Variants in CLPB observed in about 807,000 individuals in gnomAD.
The protein encoded by CLPB is mitochondrial disaggregase.
In CLPB, 40 loss-of-function variants were observed where a neutral mutation model predicts 78.4. The observed-to-expected ratio is 0.51, with a 90% CI of 0.40 to 0.66. The LOEUF is 0.66. Ranked by LOEUF, CLPB falls within the 30% of genes least tolerant of loss-of-function variation. CLPB has a pLI of 0.00. For missense variants in CLPB, 780 were observed against 886.9 expected, an observed-to-expected ratio of 0.88 and a Z score of 1.53; for synonymous variants, 333 against 348.0, an observed-to-expected ratio of 0.96 and a Z score of 0.48.
At position 72,294,337 on chromosome 11, in the gene CLPB, G is replaced by A. The variant is rs370339673; in HGVS notation, c.1668C>T (p.Phe556=). Residue 556 remains phenylalanine, a synonymous_variant, in exon 14 of 16, where the codon TTC becomes TTT. Transcript: ENST00000538039. ...LIQLVNKELN[F]WAKRAKQRHN... ...AGTTCCCTCTTACTCTCTTGGCCCAGAAGTTTAGTTCCTTGTTGACGAGTT... is the reference window on the plus strand; with the variant it reads ...AGTTCCCTCTTACTCTCTTGGCCCAAAAGTTTAGTTCCTTGTTGACGAGTT... 2 of 1,614,118 alleles carry A rather than the reference G, an allele frequency of 1.2e-6. No individual in the cohort carries two copies. The highest frequency in any genetic ancestry group is 1.7e-6 in the Non-Finnish European group (2 of 1,180,042).
chr11:72,428,078 G>A (rs1468338737), intron 2 of CLPB, among the ~76,000 whole-genome samples: 1 of 152,058 alleles, frequency 6.6e-6, no homozygotes, highest in South Asian at 2.1e-4. Flanking sequence ...AACTATAACT[G>A]GTGGGTTACA....
chr11:72,431,675 C>T (rs1296073639), intron 1 of CLPB, among the ~76,000 whole-genome samples: 2 of 152,118 alleles, frequency 1.3e-5, no homozygotes, highest in African/African-American at 4.8e-5. Flanking sequence ...TCAAGCCTTC[C>T]TTAGAGATGG....
chr11:72,395,078 A>T (rs1855366538), intron 3 of CLPB, among the ~76,000 whole-genome samples: 1 of 151,848 alleles, frequency 6.6e-6, no homozygotes, highest in African/African-American at 2.4e-5. Context: ...AACTCCTCTG[A>T]AAGGGCCTCT....
intron 11 of CLPB, among the ~76,000 whole-genome samples, chr11:72,299,183 C>T (rs1349535466): frequency 2.0e-5 from 3 of 152,222 alleles, no homozygotes; most frequent in Admixed American, 6.5e-5. Context: ...GGCTCCTCCT[C>T]CTCTCCTCAG....
At chr11:72,316,143 G>A (rs1294476133) in intron 7 of CLPB, among the ~76,000 whole-genome samples, 4 of 152,146 alleles carry the variant, frequency 2.6e-5, no homozygotes, top group South Asian at 2.1e-4. Flanking sequence ...CATACCACAC[G>A]ACCAGGTAGG....
At chr11:72,333,688 G>A (rs897360360) in intron 5 of CLPB, among the ~76,000 whole-genome samples, 2 of 152,206 alleles carry the variant, frequency 1.3e-5, no homozygotes, top group African/African-American at 4.8e-5. Context: ...AGGAGGGACA[G>A]GCGGCACTGG....
At chr11:72,323,295 G>A (rs962350491) in intron 6 of CLPB, among the ~76,000 whole-genome samples, 4 of 152,212 alleles carry the variant, frequency 2.6e-5, no homozygotes, top group Non-Finnish European at 4.4e-5. Context: ...TCGGCTGGGC[G>A]TGGTGGCTCA....
intron 6 of CLPB, among the ~76,000 whole-genome samples, chr11:72,324,835 G>A (rs766470135): frequency 6.6e-6 from 1 of 152,126 alleles, no homozygotes; most frequent in African/African-American, 2.4e-5. Flanking sequence ...GCTCTGAGAG[G>A]AGCACCCAGG....
At chr11:72,421,644 C>G (rs997092720) in intron 2 of CLPB, among the ~76,000 whole-genome samples, 1 of 152,214 alleles carries the variant, frequency 6.6e-6, no homozygotes, top group Non-Finnish European at 1.5e-5. Flanking sequence ...GACATGACCC[C>G]TCCCTCCAGG....
At chr11:72,368,156 T>C (rs1434054527) in intron 4 of CLPB, among the ~76,000 whole-genome samples, 1 of 152,184 alleles carries the variant, frequency 6.6e-6, no homozygotes, top group African/African-American at 2.4e-5. Context: ...GCCCATTTCA[T>C]ACTAGTGGAG....
chr11:72,400,693 A>C (rs1855535872), intron 3 of CLPB, among the ~76,000 whole-genome samples: 1 of 152,216 alleles, frequency 6.6e-6, no homozygotes, highest in East Asian at 1.9e-4. Flanking sequence ...CCAGCGGTGT[A>C]GAATAACACA....
chr11:72,376,581 TAGAG>T (rs1384166791), intron 4 of CLPB, among the ~76,000 whole-genome samples: 5 of 148,918 alleles, frequency 3.4e-5, no homozygotes, highest in African/African-American at 7.4e-5. Context: ...AAAAAAAAGG[TAGAG>T]AGATCTTGCA....
chr11:72,314,654 C>T (rs1178949690), intron 7 of CLPB, among the ~76,000 whole-genome samples: 1 of 152,060 alleles, frequency 6.6e-6, no homozygotes, highest in African/African-American at 2.4e-5. Context: ...GTCATGTTAT[C>T]TCCCCTCAAG....
intron 11 of CLPB, among the ~76,000 whole-genome samples, chr11:72,299,592 C>G (rs1305157902): frequency 6.6e-6 from 1 of 152,222 alleles, no homozygotes; most frequent in African/African-American, 2.4e-5. Context: ...TCACCTAGCA[C>G]TTACTAACCC....
chr11:72,356,309 T>A (rs1156456248), intron 5 of CLPB, among the ~76,000 whole-genome samples: 1 of 146,028 alleles, frequency 6.8e-6, no homozygotes, highest in African/African-American at 2.5e-5. Flanking sequence ...GCCAGCCAGA[T>A]GGGCAGGAAG....
At chr11:72,393,983 A>T (rs1398544573) in intron 3 of CLPB, among the ~76,000 whole-genome samples, 1 of 152,200 alleles carries the variant, frequency 6.6e-6, no homozygotes, top group East Asian at 1.9e-4. Context: ...TCAGTGATAT[A>T]AAATACTGAA....
At chr11:72,405,422 G>T (rs921424786) in intron 2 of CLPB, among the ~76,000 whole-genome samples, 1 of 152,152 alleles carries the variant, frequency 6.6e-6, no homozygotes, top group Non-Finnish European at 1.5e-5. Flanking sequence ...AAGTGCATAG[G>T]AGCATACACT....
In CLPB at chr11:72,415,510, G is replaced by T. The variant is rs1372401377; in HGVS notation, c.456-12458C>A. ...AAGTTCTAGTTCCTTCTAGTCGCAT[G>T]CTGAGAACATTCCAAGCCTATCCTT... On this transcript the variant is annotated intron_variant, in intron 2 of 15. Transcript: ENST00000538039. 7.9e-5 allele frequency among the ~76,000 whole-genome samples: 12 copies of T among 152,328 alleles called. No individual in the cohort carries two copies. The East Asian group carries it at 2.3e-3, about 29-fold the overall frequency.
chr11:72,386,299 G>C (rs2135030865), intron 3 of CLPB, among the ~76,000 whole-genome samples: 2 of 152,122 alleles, frequency 1.3e-5, no homozygotes, highest in Middle Eastern at 6.8e-3. Flanking sequence ...CCTTATTAAG[G>C]TCCTTTGCCC....
Sources: gnomAD v4.1 joint callset for allele counts (sites outside exome capture counted in the v4.1 genomes callset) on GRCh38, gnomAD v4.1.1 for gene constraint, MANE v1.5 for transcripts, NCBI Gene and HGNC (gene_info 2026-07-23, HGNC 2026-07-21) for gene names.